Variants in BTN2A1 observed in about 807,000 individuals in gnomAD.
BTN2A1 encodes the protein butyrophilin, subfamily 2, member A1.
In BTN2A1, 41 loss-of-function variants were observed where a neutral mutation model predicts 34.5. That is an observed-to-expected ratio of 1.19 (90% confidence interval 0.93 to 1.54). The LOEUF (loss-of-function observed/expected upper bound fraction) is 1.54, where lower values mean the gene tolerates loss of function less well. Among genes scored for constraint, BTN2A1 ranks in the 40% most tolerant of loss-of-function variants. The pLI, the probability that BTN2A1 is intolerant of heterozygous loss-of-function variation, is 0.00. For missense variants in BTN2A1, 642 were observed against 662.0 expected (o/e 0.97, Z 0.33); for synonymous variants, 267 against 258.6 (o/e 1.03, Z -0.31).
At chr6:26,472,962 A>G (rs1763476893), downstream of BTN2A1, among the ~76,000 whole-genome samples, 1 of 152,128 alleles carries the variant, frequency 6.6e-6, no homozygotes, top group Non-Finnish European at 1.5e-5. Context: ...TGAAGACACC[A>G]CTCAAAGATG....
chr6:26,468,585 C>A lies in BTN2A1; in HGVS notation c.*36C>A. 6.2e-7 allele frequency: 1 copy of A among 1,614,154 alleles called. No homozygotes were observed. Among genetic ancestry groups the A allele is most frequent in the Non-Finnish European group, 8.5e-7 (1 of 1,180,038 alleles). ...TTGGTCTCACAGCCATGTAGACAAG[C>A]CCTGGTCATCTCAGCAGCCACCGCA... is the stretch of plus-strand genomic sequence containing the variant. On this transcript the variant is annotated 3_prime_UTR_variant, in exon 8 of 8. Coordinates refer to ENST00000312541, the MANE Select transcript of BTN2A1 (RefSeq NM_007049.5).
chr6:26,473,888 C>T (rs1225082275), downstream of BTN2A1, among the ~76,000 whole-genome samples: 1 of 152,142 alleles, frequency 6.6e-6, no homozygotes, highest in African/African-American at 2.4e-5. Flanking sequence ...TCATTCTAAC[C>T]GTCCCCAGTG....
chr6:26,463,653 G>A, intron 4 of BTN2A1, 128 bp downstream of exon 4: 3 of 1,108,982 alleles, frequency 2.7e-6, no homozygotes, highest in Non-Finnish European at 3.9e-6. Flanking sequence ...CCTGGAGGCT[G>A]CAGCTGAGTG....
intron 4 of BTN2A1, among the ~76,000 whole-genome samples, chr6:26,464,580 A>G (rs562838890): frequency 3.7e-4 from 56 of 152,272 alleles, no homozygotes; most frequent in Admixed American, 2.2e-3. Flanking sequence ...CTACAGGAAG[A>G]GCATATGCAA....
chr6:26,465,919 G>GAACTAAAA (rs1763300502), intron 5 of BTN2A1, 34 bp from the exon 6 acceptor site: 1 of 1,613,942 alleles, frequency 6.2e-7, no homozygotes, highest in Non-Finnish European at 8.5e-7. Context: ...TAGTTCTTCT[G>GAACTAAAA]TCAAAGACAT....
chr6:26,460,073 G>A (rs906659322), intron 3 of BTN2A1, among the ~76,000 whole-genome samples: 26 of 152,242 alleles, frequency 1.7e-4, no homozygotes, highest in Admixed American at 4.6e-4. Flanking sequence ...AGCTGAGGCC[G>A]TGAGCAGGGG....
At chr6:26,473,728 T>C (rs934014170), downstream of BTN2A1, among the ~76,000 whole-genome samples, 4 of 152,240 alleles carry the variant, frequency 2.6e-5, no homozygotes, top group African/African-American at 7.2e-5. Context: ...TGTTATGATA[T>C]AAAAGACAGC....
chr6:26,468,486 T>C lies in BTN2A1; in HGVS notation c.1521T>C (p.Asn507=), dbSNP rs780402213. The C allele has an allele frequency of 6.2e-7, 1 of 1,614,112 alleles. No homozygotes were observed. The highest frequency in any genetic ancestry group is 8.5e-7 in the Non-Finnish European group (1 of 1,180,012). The change falls in exon 8 of 8, where the codon AAT becomes AAC. Residue 507 remains asparagine (N), a synonymous_variant. Transcript: ENST00000312541. ...TCTGCCCTGCACTCACAGGAGCCAA[T>C]GGGGTCACGGTGCCTGAAGAGGGCC... ...IFICPALTGA[N]GVTVPEEGLT...
At chr6:26,470,342 C>T (rs1008178618), downstream of BTN2A1, among the ~76,000 whole-genome samples, 10 of 152,018 alleles carry the variant, frequency 6.6e-5, no homozygotes, top group African/African-American at 1.9e-4. Flanking sequence ...GTGAAACTCC[C>T]GTCTCAAACA....
intron 7 of BTN2A1, 36 bp downstream of exon 7, chr6:26,466,124 T>C (rs750669238): frequency 1.9e-6 from 3 of 1,612,836 alleles, no homozygotes; most frequent in Middle Eastern, 2.0e-4. Context: ...ATCTCAGCTT[T>C]CTCCACACTA....
chr6:26,463,745 G>A (rs1561871011), intron 4 of BTN2A1, among the ~76,000 whole-genome samples: 2 of 139,326 alleles, frequency 1.4e-5, no homozygotes, highest in African/African-American at 6.1e-5. Context: ...GGGTAAACCT[G>A]TTTTTGTTGT....
intron 1 of BTN2A1, among the ~76,000 whole-genome samples, chr6:26,458,406 G>A (rs1224988213): frequency 6.6e-6 from 1 of 152,132 alleles, no homozygotes; most frequent in East Asian, 1.9e-4. Flanking sequence ...GCGGAAAAAG[G>A]CCCCCTTGAT....
At chr6:26,458,813 T>G in intron 2 of BTN2A1, 95 bp downstream of exon 2, 1 of 1,456,856 alleles carries the variant, frequency 6.9e-7, no homozygotes, top group African/African-American at 1.4e-5. Context: ...GTGGAGTTGT[T>G]GACTTACCCT....
chr6:26,464,990 C>A (rs1763269253), intron 4 of BTN2A1, among the ~76,000 whole-genome samples, 195 bp from the exon 5 acceptor site: 1 of 152,170 alleles, frequency 6.6e-6, no homozygotes, highest in South Asian at 2.1e-4. Context: ...TGGTTTGCTA[C>A]CTCTGGGCCT....
At chr6:26,472,716 C>T (rs1255104309), downstream of BTN2A1, among the ~76,000 whole-genome samples, 2 of 152,134 alleles carry the variant, frequency 1.3e-5, no homozygotes, top group East Asian at 1.9e-4. Flanking sequence ...TTCAGCAGTT[C>T]CTGAGCTCTT....
intron 4 of BTN2A1, among the ~76,000 whole-genome samples, chr6:26,464,249 GAC>G (rs907392258): frequency 6.6e-6 from 1 of 152,130 alleles, no homozygotes; most frequent in African/African-American, 2.4e-5. Context: ...ATTCCCTATA[GAC>G]ACACACTCAC....
At position 26,466,083 on chromosome 6, in the gene BTN2A1, A is replaced by G. The variant is rs759090278; in HGVS notation, c.977A>G (p.His326Arg). Residue 326 changes from histidine (H) to arginine (R), a missense_variant, in exon 7 of 8, where the codon CAT (histidine) becomes CGT (arginine). Physicochemically the swap from His to Arg is conservative, Grantham distance 29. Coordinates refer to ENST00000312541, the MANE Select transcript of BTN2A1 (RefSeq NM_007049.5). ...GCAGGATGGAGAAGAACATTCTTACATGCTGGTGAGTGCCTCTGATGTTCC... is the reference window on the plus strand; with the variant it reads ...GCAGGATGGAGAAGAACATTCTTACGTGCTGGTGAGTGCCTCTGATGTTCC... The part of the protein sequence containing the change: ...EELRWRRTFL[H>R]AVDVVLDPDT... 12 of 1,613,660 alleles carry G rather than the reference A, an allele frequency of 7.4e-6. No homozygotes were observed. Among genetic ancestry groups the G allele is most frequent in the Non-Finnish European group, 1.0e-5 (12 of 1,180,040 alleles).
Position 26,459,559 on chromosome 6 carries a change from C to T in BTN2A1, c.161C>T (p.Ser54Leu). ...GENTTLRCHL[S>L]PEKNAEDMEV... Reference sequence around the variant, plus strand: ...AACACTACGTTACGCTGCCATCTGTCACCCGAGAAAAATGCTGAGGACATG... The same window carrying T: ...AACACTACGTTACGCTGCCATCTGTTACCCGAGAAAAATGCTGAGGACATG... Residue 54 changes from serine (S) to leucine (L), a missense_variant, in exon 3 of 8, where the codon TCA (serine) becomes TTA (leucine). Coordinates refer to ENST00000312541, the MANE Select transcript of BTN2A1 (RefSeq NM_007049.5). 1 of 1,614,062 alleles carries T rather than the reference C, an allele frequency of 6.2e-7. No individual in the cohort carries two copies.
At position 26,467,976 on chromosome 6, in the gene BTN2A1, T is replaced by G; in HGVS notation, c.1011T>G (p.Ala337=). The change falls in exon 8 of 8, where the codon GCT becomes GCG. Residue 337 remains alanine (A), a synonymous_variant. Transcript: ENST00000312541. ...AVDVVLDPDT[A]HPDLFLSEDR... ...ATGTGGTCCTGGATCCAGACACCGC[T>G]CATCCCGATCTCTTCCTGTCAGAGG... 2.5e-6 allele frequency: 4 copies of G among 1,613,950 alleles called. No homozygotes were observed. The highest frequency in any genetic ancestry group is 3.4e-6 in the Non-Finnish European group (4 of 1,179,852).
Sources: gnomAD v4.1 joint callset for allele counts (sites outside exome capture counted in the v4.1 genomes callset) on GRCh38, gnomAD v4.1.1 for gene constraint, MANE v1.5 for transcripts, NCBI Gene and HGNC (gene_info 2026-07-23, HGNC 2026-07-21) for gene names.